The following TMEM123 variants were observed in gnomAD, a reference collection of about 807,000 sequenced individuals.
TMEM123 encodes transmembrane protein 123.
Under a neutral mutation model 19.7 loss-of-function variants are expected in TMEM123, and 16 were observed. The ratio of observed to expected loss-of-function variants is 0.81; its 90% CI spans 0.55 to 1.23. TMEM123 has a LOEUF of 1.23. Ranked by LOEUF, TMEM123 falls within the 50% of genes most tolerant of loss-of-function variation. TMEM123 has a pLI of 0.00. For missense variants in TMEM123, 313 were observed against 257.8 expected, an observed-to-expected ratio of 1.21 and a Z score of -1.47; for synonymous variants, 118 against 99.4, an observed-to-expected ratio of 1.19 and a Z score of -1.12.
chr11:102,438,867 G>T (rs1857793788), intron 2 of TMEM123, among the ~76,000 whole-genome samples: 1 of 152,206 alleles, frequency 6.6e-6, no homozygotes, highest in Non-Finnish European at 1.5e-5. Flanking sequence ...ACAGTACCTA[G>T]AAAATCGGGA....
intron 2 of TMEM123, among the ~76,000 whole-genome samples, chr11:102,440,469 G>A (rs945494804): frequency 2.0e-5 from 3 of 152,258 alleles, no homozygotes; most frequent in East Asian, 3.9e-4. Context: ...AAGTGAAGGA[G>A]AAATAAAATC....
intron 2 of TMEM123, among the ~76,000 whole-genome samples, chr11:102,425,922 T>A (rs1212972247): frequency 6.6e-6 from 1 of 152,206 alleles, no homozygotes; most frequent in East Asian, 1.9e-4. Flanking sequence ...GAGTGCTCAC[T>A]TACATTATCT....
At chr11:102,424,328 AATACTTTATCAAGTATTCCAT>A (rs1952108644) in intron 2 of TMEM123, among the ~76,000 whole-genome samples, 8 of 152,244 alleles carry the variant, frequency 5.3e-5, no homozygotes, top group Admixed American at 5.2e-4. Context: ...TAAAGCAGTG[AATACTTTATCAAGTATTCCAT>A]ATACTTTATA....
In TMEM123 at chr11:102,426,864, C is replaced by CCCCCG. The variant is rs1952131456; in HGVS notation, c.157+21947_157+21948insCGGGG. On this transcript the variant is annotated intron_variant, in intron 2 of 4. Transcript: ENST00000398136. ...CTTAATGTTTTTAAAGTAGTTCCCCCCCCCCCCCCATTTATTGCTCAAAAT... is the reference window on the plus strand; with the variant it reads ...CTTAATGTTTTTAAAGTAGTTCCCCCCCCCGCCCCCCCCCATTTATTGCTCAAAAT... Among the ~76,000 whole-genome samples the CCCCCG allele has an allele frequency of 3.5e-5, 2 of 57,668 alleles. 1 individual carries two copies. Among genetic ancestry groups the CCCCCG allele is most frequent in the Non-Finnish European group, 7.1e-5 (2 of 28,134 alleles). 37.8% of individuals were successfully genotyped at this position (57,668 alleles called of 152,430 possible).
At chr11:102,409,657 C>A (rs1951986159) in intron 2 of TMEM123, among the ~76,000 whole-genome samples, 1 of 152,170 alleles carries the variant, frequency 6.6e-6, no homozygotes, top group East Asian at 1.9e-4. Flanking sequence ...GGCAGATCAC[C>A]CGAGTCAGGA....
At chr11:102,449,757 A>G (rs1857920097) in intron 1 of TMEM123, among the ~76,000 whole-genome samples, 1 of 152,212 alleles carries the variant, frequency 6.6e-6, no homozygotes, top group African/African-American at 2.4e-5. Context: ...ATAGCAAACA[A>G]TTGCCAACAT....
chr11:102,437,162 T>A (rs1857771945), intron 2 of TMEM123, among the ~76,000 whole-genome samples: 1 of 152,214 alleles, frequency 6.6e-6, no homozygotes, highest in Non-Finnish European at 1.5e-5. Flanking sequence ...CCTCACTGTT[T>A]ATCTCTTCTA....
chr11:102,451,069 G>A (rs1442342328), intron 1 of TMEM123: 2 of 152,148 alleles, frequency 1.3e-5, no homozygotes, highest in Non-Finnish European at 2.9e-5. Flanking sequence ...GCCTACTGTA[G>A]AGCATTTCAA....
intron 2 of TMEM123, among the ~76,000 whole-genome samples, chr11:102,426,477 G>A (rs1952127043): frequency 6.7e-6 from 1 of 148,718 alleles, no homozygotes; most frequent in South Asian, 2.1e-4. Flanking sequence ...AAGTGATGGT[G>A]TCTCGCTCTG....
intron 2 of TMEM123, among the ~76,000 whole-genome samples, chr11:102,416,516 TA>T (rs1054617011): frequency 2.0e-5 from 3 of 151,026 alleles, no homozygotes; most frequent in East Asian, 3.9e-4. Context: ...AAATCAGTAA[TA>T]AAAAAAAATC....
intron 2 of TMEM123, among the ~76,000 whole-genome samples, chr11:102,425,562 GTTTTTTTTTTTTTCTTTTTTCT>G (rs1952119187): frequency 8.5e-6 from 1 of 118,134 alleles, no homozygotes; most frequent in South Asian, 2.9e-4. Flanking sequence ...CTCCAGGATT[GTTTTTTTTTTTTTCTTTTTTCT>G]TTTTTTTTTT....
chr11:102,441,594 A>G (rs1057147306), intron 2 of TMEM123, among the ~76,000 whole-genome samples: 1 of 152,198 alleles, frequency 6.6e-6, no homozygotes, highest in African/African-American at 2.4e-5. Flanking sequence ...GAAAGCAGGA[A>G]AGATCTAAAA....
chr11:102,399,679 T>A (rs577622932), intron 4 of TMEM123, among the ~76,000 whole-genome samples: 1 of 152,274 alleles, frequency 6.6e-6, no homozygotes, highest in East Asian at 1.9e-4. Flanking sequence ...TTTAAAAATA[T>A]GTTTTTAAGG....
chr11:102,450,376 T>C (rs1468626720), intron 1 of TMEM123, among the ~76,000 whole-genome samples: 2 of 152,116 alleles, frequency 1.3e-5, no homozygotes, highest in Non-Finnish European at 2.9e-5. Flanking sequence ...CCACTAAGAG[T>C]AATGACTAAC....
rs1474429299 is a variant in TMEM123 at position 102,401,537 on chromosome 11, A to G, written c.602+2T>C. 3 of 1,562,782 alleles carry G rather than the reference A, an allele frequency of 1.9e-6. No individual in the cohort carries two copies. Among genetic ancestry groups the G allele is most frequent in the Non-Finnish European group, 2.6e-6 (3 of 1,164,344 alleles). The stretch of plus-strand genomic sequence containing the variant: ...AAAAAGTCCTGGCCATTCAAAACTT[A>G]CATGGTTCGATACCGAATGCCTCTT... On this transcript the variant is annotated splice_donor_variant, in intron 4 of 4. Coordinates refer to ENST00000398136, the MANE Select transcript of TMEM123 (RefSeq NM_052932.3). LOFTEE classifies it high-confidence loss of function.
chr11:102,431,182 G>T (rs1857701385), intron 2 of TMEM123, among the ~76,000 whole-genome samples: 1 of 152,048 alleles, frequency 6.6e-6, no homozygotes, highest in Non-Finnish European at 1.5e-5. Context: ...AAAAAAAACT[G>T]TATTTATGGT....
At chr11:102,429,093 C>T (rs912688352) in intron 2 of TMEM123, among the ~76,000 whole-genome samples, 1 of 152,126 alleles carries the variant, frequency 6.6e-6, no homozygotes, top group Non-Finnish European at 1.5e-5. Context: ...GGATGGACAA[C>T]AGTTAACACA....
chr11:102,400,894 G>T (rs749114969), intron 4 of TMEM123, among the ~76,000 whole-genome samples: 2 of 151,912 alleles, frequency 1.3e-5, no homozygotes, highest in South Asian at 4.1e-4. Flanking sequence ...AAGACAACAC[G>T]TAAGACTCAA....
chr11:102,410,204 G>A (rs1260495033), intron 2 of TMEM123, among the ~76,000 whole-genome samples: 2 of 147,408 alleles, frequency 1.4e-5, no homozygotes, highest in African/African-American at 5.4e-5. Context: ...GGCACTTCCA[G>A]TTAAAGTGAT....
Sources: allele counts gnomAD v4.1 joint callset (sites outside exome capture counted in the v4.1 genomes callset), GRCh38; gene constraint gnomAD v4.1.1; transcripts MANE v1.5; gene names NCBI Gene and HGNC (gene_info 2026-07-23, HGNC 2026-07-21).